The following NOX4 variants were observed in gnomAD, a reference collection of about 807,000 sequenced individuals.
The protein encoded by NOX4 is NADPH oxidase 4.
Under a neutral mutation model 87.6 loss-of-function variants are expected in NOX4, and 69 were observed. The ratio of observed to expected loss-of-function variants is 0.79; its 90% CI spans 0.65 to 0.96. NOX4 has a LOEUF of 0.96. NOX4 is among the 40% of genes least tolerant of loss of function. The pLI is 0.00. For missense variants in NOX4, 680 were observed against 681.5 expected (o/e 1.00, Z 0.02); for synonymous variants, 275 against 238.2 (o/e 1.15, Z -1.42).
At chr11:89,439,196 A>G (rs1359514187) in intron 6 of NOX4, among the ~76,000 whole-genome samples, 2 of 150,486 alleles carry the variant, frequency 1.3e-5, no homozygotes, top group Admixed American at 1.4e-4. Context: ...GTTTTAGAAA[A>G]TAATATTAAA....
intron 6 of NOX4, among the ~76,000 whole-genome samples, chr11:89,438,492 A>C (rs550075933): frequency 1.3e-5 from 1 of 79,120 alleles, no homozygotes; most frequent in East Asian, 3.9e-4. Context: ...ATACTATATA[A>C]TATACAGCAT....
chr11:89,431,580 G>A (rs1184268459), intron 7 of NOX4, among the ~76,000 whole-genome samples: 3 of 152,134 alleles, frequency 2.0e-5, no homozygotes, highest in African/African-American at 7.2e-5. Context: ...CATTTATGCA[G>A]CCAAAAGACA....
intron 8 of NOX4, among the ~76,000 whole-genome samples, chr11:89,403,857 C>A (rs1004548056): frequency 1.3e-5 from 2 of 152,124 alleles, no homozygotes; most frequent in African/African-American, 4.8e-5. Context: ...ATGACCAGGC[C>A]AGTCTCTGGT....
chr11:89,358,017 A>G (rs946130842), intron 12 of NOX4, among the ~76,000 whole-genome samples: 2 of 152,106 alleles, frequency 1.3e-5, no homozygotes, highest in Non-Finnish European at 2.9e-5. Flanking sequence ...CTATATTTGG[A>G]ACATCCTTTA....
chr11:89,388,424 G>A (rs1940874295), intron 11 of NOX4, among the ~76,000 whole-genome samples: 1 of 152,028 alleles, frequency 6.6e-6, no homozygotes, highest in Non-Finnish European at 1.5e-5. Flanking sequence ...TGGTCAGTTG[G>A]GGGTTACAAA....
upstream of NOX4, chr11:89,498,933 G>A (rs1414575405): frequency 6.6e-6 from 1 of 152,272 alleles, no homozygotes; most frequent in African/African-American, 2.4e-5. Flanking sequence ...CTAGAAAGAA[G>A]TTTTTGAATC....
At chr11:89,509,575 A>G in the NOX4 span, among the ~76,000 whole-genome samples, 104 of 152,196 alleles carry the variant, frequency 6.8e-4, no homozygotes, top group Admixed American at 4.1e-3. Context: ...AGATAAATAC[A>G]TAAAGATTTA....
intron 8 of NOX4, among the ~76,000 whole-genome samples, chr11:89,411,042 T>C (rs573802429): frequency 6.6e-6 from 1 of 152,196 alleles, no homozygotes; most frequent in African/African-American, 2.4e-5. Flanking sequence ...TCAGCCACAG[T>C]AGGATAGGGC....
chr11:89,506,989 T>C, the NOX4 span, among the ~76,000 whole-genome samples: 10 of 151,954 alleles, frequency 6.6e-5, no homozygotes, highest in Non-Finnish European at 4.4e-5. Context: ...TCTCGATACA[T>C]ACTACAACAT....
At chr11:89,398,763 T>G (rs1297593730) in intron 11 of NOX4, among the ~76,000 whole-genome samples, 1 of 151,908 alleles carries the variant, frequency 6.6e-6, no homozygotes, top group Non-Finnish European at 1.5e-5. Flanking sequence ...TCAATTATCT[T>G]TCTTAGAAAA....
intron 9 of NOX4, 21 bp from the exon 10 acceptor site, chr11:89,400,400 T>C (rs1941765839): frequency 6.4e-6 from 10 of 1,555,424 alleles, no homozygotes; most frequent in Non-Finnish European, 7.8e-6. Flanking sequence ...TTTTTGAAAA[T>C]ATACTTCAAG....
chr11:89,536,246 A>C, the NOX4 span, among the ~76,000 whole-genome samples: 1 of 142,834 alleles, frequency 7.0e-6, no homozygotes, highest in African/African-American at 2.6e-5. Context: ...TCCCGGGTTC[A>C]CGCCATTCTC....
At position 89,421,946 on chromosome 11, in the gene NOX4, G is replaced by C; in HGVS notation, c.585C>G (p.Asn195Lys). ...GCAGCATGTAGAAGACAAAGAAGAG[G>C]TTATGAGTATACCAGAAGATATCAT... ...SNYDIFWYTH[N>K]LFFVFYMLLT... Residue 195 changes from asparagine to lysine, a missense_variant, in exon 8 of 18, where the codon AAC (asparagine) becomes AAG (lysine). By Grantham distance (94) the Asn-to-Lys change is moderately conservative. Transcript: ENST00000263317. The C allele has an allele frequency of 5.7e-6, 9 of 1,568,004 alleles. No homozygotes were observed. The highest frequency in any genetic ancestry group is 7.8e-6 in the Non-Finnish European group (9 of 1,159,996).
chr11:89,466,306 A>G (rs1945691421), intron 2 of NOX4, among the ~76,000 whole-genome samples: 1 of 152,164 alleles, frequency 6.6e-6, no homozygotes, highest in African/African-American at 2.4e-5. Context: ...TTAAAATCTC[A>G]AACAGTTTCT....
At chr11:89,525,578 T>C in the NOX4 span, among the ~76,000 whole-genome samples, 9 of 152,110 alleles carry the variant, frequency 5.9e-5, no homozygotes, top group Admixed American at 2.6e-4. Context: ...GTTTCTCTTC[T>C]TATTGTGTTA....
the NOX4 span, among the ~76,000 whole-genome samples, chr11:89,571,578 A>G: frequency 7.4e-4 from 113 of 152,256 alleles, 1 homozygote; most frequent in South Asian, 0.023. Context: ...TACAGGCGTG[A>G]GCTACCGCAC....
chr11:89,416,479 C>T (rs1435422293), intron 8 of NOX4, among the ~76,000 whole-genome samples: 1 of 152,198 alleles, frequency 6.6e-6, no homozygotes, highest in Admixed American at 6.5e-5. Flanking sequence ...TAACACTTCA[C>T]TATATTGCAC....
At chr11:89,418,614 A>G (rs1305202834) in intron 8 of NOX4, among the ~76,000 whole-genome samples, 1 of 151,886 alleles carries the variant, frequency 6.6e-6, no homozygotes, top group Admixed American at 6.6e-5. Flanking sequence ...AATAGAATTT[A>G]GAAAAGTGGG....
At chr11:89,561,026 A>ATACT in the NOX4 span, among the ~76,000 whole-genome samples, 1 of 107,354 alleles carries the variant, frequency 9.3e-6, no homozygotes, top group Non-Finnish European at 1.8e-5. Flanking sequence ...ATATACATAC[A>ATACT]CACACACATA....
Sources: gnomAD v4.1 joint callset for allele counts (sites outside exome capture counted in the v4.1 genomes callset) on GRCh38, gnomAD v4.1.1 for gene constraint, MANE v1.5 for transcripts, NCBI Gene and HGNC (gene_info 2026-07-23, HGNC 2026-07-21) for gene names.